TENM2: variants seen among roughly 807,000 people sequenced by gnomAD.
The protein encoded by TENM2 is teneurin transmembrane protein 2.
A neutral mutation model predicts 245.2 loss-of-function variants in TENM2; 52 were observed. The observed-to-expected ratio is 0.21, with a 90% CI of 0.17 to 0.27. The LOEUF is 0.27. TENM2 is among the 10% of genes least tolerant of loss of function. TENM2 has a pLI of 1.00. For missense variants in TENM2, 3,046 were observed against 3,666.8 expected, an observed-to-expected ratio of 0.83 and a Z score of 4.37; for synonymous variants, 1,363 against 1,438.9, an observed-to-expected ratio of 0.95 and a Z score of 1.19.
At chr5:168,005,758 A>G (rs1267613867) in intron 5 of TENM2, among the ~76,000 whole-genome samples, 1 of 152,194 alleles carries the variant, frequency 6.6e-6, no homozygotes, top group Non-Finnish European at 1.5e-5. Flanking sequence ...TGTATAGATA[A>G]TGGTGTCGAG....
At chr5:167,344,737 C>T (rs781757763) in intron 1 of TENM2, among the ~76,000 whole-genome samples, 1 of 152,068 alleles carries the variant, frequency 6.6e-6, no homozygotes, top group Non-Finnish European at 1.5e-5. Flanking sequence ...GGGAAAGACA[C>T]CATGGAAGCT....
chr5:167,003,583 A>G, the TENM2 span, among the ~76,000 whole-genome samples: 1 of 152,088 alleles, frequency 6.6e-6, no homozygotes, highest in African/African-American at 2.4e-5. Flanking sequence ...GTTTAGTTTA[A>G]TCTATGGTGT....
At chr5:167,771,037 G>A (rs12519097) in intron 2 of TENM2, among the ~76,000 whole-genome samples, 4,953 of 152,100 alleles carry the variant, frequency 0.033, 253 homozygotes, top group East Asian at 0.18. Flanking sequence ...TTAATATGAA[G>A]AGAAGAAAGA....
At chr5:167,445,336 T>TAGGGAGAGAGAGAGAGAGAGAGAG (rs1554154175) in intron 2 of TENM2, among the ~76,000 whole-genome samples, 1 of 77,316 alleles carries the variant, frequency 1.3e-5, no homozygotes, top group Non-Finnish European at 2.4e-5. Context: ...TATATATATA[T>TAGGGAGAGAGAGAGAGAGAGAGAG]AGAGAGAGAG....
chr5:167,084,365 A>ATATATATATATATATATATATATATG, the TENM2 span, among the ~76,000 whole-genome samples: 1 of 122,484 alleles, frequency 8.2e-6, no homozygotes, highest in African/African-American at 3.0e-5. Context: ...ATATATATAT[A>ATATATATATATATATATATATATATG]TACAGATCAG....
the TENM2 span, among the ~76,000 whole-genome samples, chr5:166,979,191 C>CAGCAGCAGCAGCAGCAG: frequency 8.2e-5 from 7 of 85,256 alleles, no homozygotes; most frequent in Non-Finnish European, 1.6e-4. Flanking sequence ...AGCAGCACCA[C>CAGCAGCAGCAGCAGCAG]CACCAGCAGC....
intron 2 of TENM2, among the ~76,000 whole-genome samples, chr5:167,641,597 A>T (rs968868075): frequency 6.6e-6 from 1 of 152,180 alleles, no homozygotes; most frequent in African/African-American, 2.4e-5. Flanking sequence ...GGCTTACTAA[A>T]TCTTACAAAG....
At chr5:167,525,628 C>T (rs1771060832) in intron 2 of TENM2, among the ~76,000 whole-genome samples, 1 of 152,142 alleles carries the variant, frequency 6.6e-6, no homozygotes, top group African/African-American at 2.4e-5. Context: ...GACCTGGGAC[C>T]TATAGGACCA....
chr5:167,974,795 G>T (rs1171722467), intron 4 of TENM2, among the ~76,000 whole-genome samples: 3 of 152,088 alleles, frequency 2.0e-5, no homozygotes. Flanking sequence ...AATCAGCAGG[G>T]CTGTCCCAAC....
intron 4 of TENM2, among the ~76,000 whole-genome samples, chr5:167,963,796 T>C (rs75938011): frequency 1.3e-5 from 2 of 151,934 alleles, no homozygotes; most frequent in Admixed American, 6.6e-5. Context: ...CTTTTTTTTT[T>C]CTATGATGAG....
chr5:167,672,278 TAC>T (rs956404649), intron 2 of TENM2, among the ~76,000 whole-genome samples: 3 of 152,064 alleles, frequency 2.0e-5, no homozygotes, highest in South Asian at 2.1e-4. Flanking sequence ...TATGTATATA[TAC>T]ACACACATAT....
At chr5:167,838,913 G>A (rs1455069086) in intron 2 of TENM2, among the ~76,000 whole-genome samples, 1 of 152,178 alleles carries the variant, frequency 6.6e-6, no homozygotes, top group East Asian at 1.9e-4. Flanking sequence ...AGCACCTGAT[G>A]GCTGAGACCG....
At chr5:168,134,916 T>C (rs1372685143) in intron 12 of TENM2, among the ~76,000 whole-genome samples, 2 of 152,212 alleles carry the variant, frequency 1.3e-5, no homozygotes, top group South Asian at 2.1e-4. Flanking sequence ...CCTCATTGAC[T>C]GTATGTAGAA....
intron 1 of TENM2, among the ~76,000 whole-genome samples, chr5:167,322,862 A>G (rs1756852430): frequency 6.6e-6 from 1 of 152,212 alleles, no homozygotes; most frequent in Admixed American, 6.5e-5. Context: ...AGCTCCGATC[A>G]CTTTGATTTG....
intron 13 of TENM2, among the ~76,000 whole-genome samples, chr5:168,173,882 C>G (rs1016855984): frequency 1.3e-5 from 2 of 152,066 alleles, no homozygotes; most frequent in African/African-American, 4.8e-5. Flanking sequence ...AGGAATTAGG[C>G]AAGGAAGGAG....
intron 3 of TENM2, among the ~76,000 whole-genome samples, chr5:167,879,985 C>G (rs542132424): frequency 6.6e-6 from 1 of 152,292 alleles, no homozygotes; most frequent in East Asian, 1.9e-4. Context: ...AAATGAGATT[C>G]ATTCATTCAT....
At chr5:167,737,976 T>C (rs561628904) in intron 2 of TENM2, among the ~76,000 whole-genome samples, 2 of 152,360 alleles carry the variant, frequency 1.3e-5, no homozygotes, top group South Asian at 4.1e-4. Context: ...AAGGCTAACT[T>C]GGCCTCAGCT....
At chr5:167,212,838 C>T in the TENM2 span, among the ~76,000 whole-genome samples, 2 of 152,182 alleles carry the variant, frequency 1.3e-5, no homozygotes, top group Admixed American at 6.5e-5. Context: ...GTCAAAAATG[C>T]ACCCTACTCC....
intron 20 of TENM2, among the ~76,000 whole-genome samples, 181 bp downstream of exon 22, chr5:168,211,935 G>T (rs547740658): frequency 6.6e-6 from 1 of 152,170 alleles, no homozygotes; most frequent in Non-Finnish European, 1.5e-5. Flanking sequence ...ATGAAATGCA[G>T]TCAAAAAGCA....
Sources: allele counts gnomAD v4.1 joint callset (sites outside exome capture counted in the v4.1 genomes callset), GRCh38; gene constraint gnomAD v4.1.1; transcripts MANE v1.5; gene names NCBI Gene and HGNC (gene_info 2026-07-23, HGNC 2026-07-21).